Variants in GLDC observed in about 807,000 individuals in gnomAD.
GLDC encodes glycine dehydrogenase (decarboxylating), mitochondrial.
GLDC carries 104 observed loss-of-function variants against 121.3 expected under a neutral mutation model. That is an observed-to-expected ratio of 0.86 (90% CI 0.73 to 1.01). GLDC has a LOEUF of 1.01. Among genes scored for constraint, GLDC ranks in the 50% least tolerant of loss-of-function variants. The pLI, the probability that GLDC is intolerant of heterozygous loss-of-function variation, is 0.00. For synonymous variants in GLDC, 546 were observed against 480.6 expected, an observed-to-expected ratio of 1.14 and a Z score of -1.78; for missense variants, 1,429 against 1,306.6, an observed-to-expected ratio of 1.09 and a Z score of -1.44.
rs1554646530 is a variant in GLDC, at chr9:6,587,269, T to C, written c.1722A>G (p.Lys574=). 1.9e-6 allele frequency: 3 copies of C among 1,613,780 alleles called. No homozygotes were observed. The highest frequency in any genetic ancestry group is 1.7e-6 in the Non-Finnish European group (2 of 1,179,636). The change falls in exon 15 of 25, where the codon AAA becomes AAG. Residue 574 remains lysine (K), a synonymous_variant. Transcript: ENST00000321612. ...SSSELAPITW[K]EFANIHPFVP... is the part of the protein sequence containing the mutation. ...CAAAGGGGTGGATGTTTGCAAATTC[T>C]TTCCATGTGATAGGCTGAAAAGAAA...
intron 2 of GLDC, among the ~76,000 whole-genome samples, chr9:6,626,623 G>A (rs72695572): frequency 0.23 from 34,647 of 151,900 alleles, 3,890 homozygotes; most frequent in South Asian, 0.3. Context: ...AGCTGCTATG[G>A]GGGATGGTGA....
intron 15 of GLDC, among the ~76,000 whole-genome samples, chr9:6,582,384 G>A (rs113218135): frequency 4.6e-5 from 7 of 151,876 alleles, no homozygotes; most frequent in Middle Eastern, 3.4e-3. Flanking sequence ...TGCCGGCCAC[G>A]GGGGCAGGCA....
At chr9:6,555,016 C>T (rs754894930) in intron 18 of GLDC, 2 of 587,098 alleles carry the variant, frequency 3.4e-6, no homozygotes, top group Non-Finnish European at 6.1e-6. Flanking sequence ...CCATTTAGTC[C>T]AATTTAGATT....
intron 15 of GLDC, among the ~76,000 whole-genome samples, chr9:6,572,484 G>A (rs1319489154): frequency 3.3e-4 from 50 of 152,132 alleles, no homozygotes; most frequent in Admixed American, 3.0e-3. Flanking sequence ...TTTTGTGTGA[G>A]TCTATGGGAG....
intron 2 of GLDC, among the ~76,000 whole-genome samples, chr9:6,633,347 A>G (rs900094951): frequency 1.3e-5 from 2 of 152,102 alleles, no homozygotes; most frequent in Admixed American, 1.3e-4. Flanking sequence ...AAATTTCACT[A>G]ATTCTCATGA....
At position 6,555,635 on chromosome 9, in the gene GLDC, T is replaced by TA. The variant is rs908749953; in HGVS notation, c.2202+517dup. On this transcript the variant is annotated intron_variant, in intron 18 of 24. Transcript: ENST00000321612. The stretch of plus-strand genomic sequence containing the variant: ...ATACAAAAATAAAAATAAAAAAATT[T>TA]AAAAAAATTAGCTGGGTGTGGCAGC... 5.3e-5 allele frequency among the ~76,000 whole-genome samples: 8 copies of TA among 151,560 alleles called. No homozygotes were observed. The East Asian group carries it at 7.8e-4, about 15-fold the overall frequency.
intron 21 of GLDC, among the ~76,000 whole-genome samples, chr9:6,544,785 A>AT (rs974128127): frequency 2.2e-4 from 34 of 152,246 alleles, no homozygotes; most frequent in African/African-American, 7.9e-4. Flanking sequence ...ACAGCTGTGG[A>AT]TTTTTGCAAT....
At chr9:6,629,958 T>TGTGTACATATATATATATATA in intron 2 of GLDC, among the ~76,000 whole-genome samples, 1 of 78,680 alleles carries the variant, frequency 1.3e-5, no homozygotes, top group African/African-American at 6.1e-5. Context: ...TATATATATA[T>TGTGTACATATATATATATATA]TTTTTTTTTT....
chr9:6,578,559 A>T (rs983846485), intron 15 of GLDC, among the ~76,000 whole-genome samples: 1 of 151,332 alleles, frequency 6.6e-6, no homozygotes, highest in African/African-American at 2.4e-5. Context: ...CTTCTCTTAG[A>T]AACAGAGTCT....
At chr9:6,621,186 CA>C (rs764569471) in intron 2 of GLDC, among the ~76,000 whole-genome samples, 1 of 151,792 alleles carries the variant, frequency 6.6e-6, no homozygotes, top group Non-Finnish European at 1.5e-5. Flanking sequence ...AAAACAAAAG[CA>C]AAAAAACACA....
rs58682628 is a variant in GLDC, at chr9:6,614,553, C to CT, written c.471-4198dup. The stretch of plus-strand genomic sequence containing the variant: ...CCCAGCTGAAGCCCTGGGTTTCAAT[C>CT]TTTTTTTTTTTTTTTTGTAGGGACA... On this transcript the variant is annotated intron_variant, in intron 3 of 24. Coordinates refer to ENST00000321612, the MANE Select transcript of GLDC (RefSeq NM_000170.3). Among the ~76,000 whole-genome samples, 792 of 139,304 alleles carry CT rather than the reference C, an allele frequency of 5.7e-3. 7 individuals carry two copies. Among genetic ancestry groups the CT allele is most frequent in the African/African-American group, 0.016 (619 of 37,972 alleles). The allele number at this position is 139,304 out of a possible 152,430, so 91.4% of individuals were successfully genotyped here.
At chr9:6,567,482 G>A (rs1817876396) in intron 15 of GLDC, 1 of 152,184 alleles carries the variant, frequency 6.6e-6, no homozygotes, top group African/African-American at 2.4e-5. Context: ...GATCATCAAG[G>A]TCAAATGCTT....
At chr9:6,645,015 A>T (rs1219462421) in intron 1 of GLDC, among the ~76,000 whole-genome samples, 2 of 152,236 alleles carry the variant, frequency 1.3e-5, no homozygotes, top group East Asian at 3.8e-4. Context: ...TGGTTTAAAA[A>T]TGTACACTTT....
In GLDC at chr9:6,550,928, A is replaced by G. The variant is rs1300239737; in HGVS notation, c.2458-14T>C. Reference sequence around the variant, plus strand: ...GCCTCCCATCATCTGCAACAAAGGGAAAAAGAGCCATTAGCCATTGAACAG... The same window carrying G: ...GCCTCCCATCATCTGCAACAAAGGGGAAAAGAGCCATTAGCCATTGAACAG... On this transcript the variant is annotated splice_polypyrimidine_tract_variant and intron_variant, in intron 20 of 24. Transcript: ENST00000321612. The G allele has an allele frequency of 9.9e-6, 15 of 1,522,346 alleles. No individual in the cohort carries two copies. Among genetic ancestry groups the G allele is most frequent in the Non-Finnish European group, 1.4e-5 (15 of 1,096,464 alleles). The allele number at this position is 1,522,346 out of a possible 1,614,324, so 94.3% of individuals were successfully genotyped here.
intron 8 of GLDC, among the ~76,000 whole-genome samples, chr9:6,599,759 T>C (rs1469835735): frequency 6.9e-6 from 1 of 145,374 alleles, no homozygotes; most frequent in Non-Finnish European, 1.5e-5. Flanking sequence ...AATAAATAAA[T>C]AAAGATCAGC....
intron 2 of GLDC, among the ~76,000 whole-genome samples, chr9:6,640,174 T>C (rs1298367231): frequency 6.6e-6 from 1 of 152,240 alleles, no homozygotes; most frequent in Non-Finnish European, 1.5e-5. Context: ...TACAGCAAGC[T>C]CATTACAGCC....
intron 16 of GLDC, among the ~76,000 whole-genome samples, chr9:6,562,202 T>C (rs1817772298): frequency 6.6e-6 from 1 of 152,164 alleles, no homozygotes; most frequent in Non-Finnish European, 1.5e-5. Context: ...CATATAAGTG[T>C]TTGTTAAATA....
chr9:6,640,804 T>A (rs541195594), intron 2 of GLDC, among the ~76,000 whole-genome samples: 1 of 152,346 alleles, frequency 6.6e-6, no homozygotes, highest in East Asian at 1.9e-4. Context: ...GCTTTGGTCA[T>A]AAAGTAATTT....
At chr9:6,613,782 TTTTA>T (rs1271706289) in intron 3 of GLDC, among the ~76,000 whole-genome samples, 1 of 152,136 alleles carries the variant, frequency 6.6e-6, no homozygotes, top group Non-Finnish European at 1.5e-5. Flanking sequence ...TTTTTGGGGT[TTTTA>T]TTTTTTTTTA....
Sources: allele counts gnomAD v4.1 joint callset (sites outside exome capture counted in the v4.1 genomes callset), GRCh38; gene constraint gnomAD v4.1.1; transcripts MANE v1.5; gene names NCBI Gene and HGNC (gene_info 2026-07-23, HGNC 2026-07-21).